ADGRD2: variants seen among roughly 807,000 people sequenced by gnomAD.
ADGRD2 encodes the protein adhesion G protein-coupled receptor D2, also known as G protein-coupled receptor PGR24.
A neutral mutation model predicts 44.4 loss-of-function variants in ADGRD2; 71 were observed. That is an observed-to-expected ratio of 1.60 (90% CI 1.32 to 1.95). The LOEUF (loss-of-function observed/expected upper bound fraction) is 1.95, where lower values mean the gene tolerates loss of function less well. Among genes scored for constraint, ADGRD2 ranks in the 30% most tolerant of loss-of-function variants. ADGRD2 has a pLI of 0.00. For synonymous variants in ADGRD2, 481 were observed against 224.8 expected (o/e 2.14, Z -10.19); for missense variants, 1,039 against 512.4 (o/e 2.03, Z -9.92).
intron 10 of ADGRD2, among the ~76,000 whole-genome samples, chr9:124,460,441 C>G (rs1359265128): frequency 6.6e-6 from 1 of 150,894 alleles, no homozygotes; most frequent in Non-Finnish European, 1.5e-5. Context: ...TGGTCTTGAA[C>G]TCCCTACCTC....
exon 3 of ADGRD2, chr9:124,453,065 A>C (rs7861556): frequency 3.0e-6 from 2 of 674,500 alleles, no homozygotes; most frequent in South Asian, 1.6e-5. Flanking sequence ...CTGGTGTTCG[A>C]CGAGAGGACG....
intron 16 of ADGRD2, among the ~76,000 whole-genome samples, 156 bp downstream of exon 19, chr9:124,469,703 C>T (rs115374078): frequency 3.9e-5 from 6 of 152,278 alleles, no homozygotes; most frequent in Admixed American, 1.3e-4. Flanking sequence ...TGGGTACACA[C>T]GTGTCCCTGC....
chr9:124,462,823 T>C (rs767168876), intron 10 of ADGRD2, among the ~76,000 whole-genome samples: 3 of 152,212 alleles, frequency 2.0e-5, no homozygotes, highest in Non-Finnish European at 2.9e-5. Context: ...ACACACTTGC[T>C]CATGTTGTCT....
In ADGRD2 at chr9:124,455,123, G is replaced by T. The variant is rs527753414; in HGVS notation, c.1391G>T (p.Arg464Leu). ...GTGGCTGACACATGGCTCTCCCTCCGTGAAGTGAGGCTGGCAGGGCTGGGT... is the reference window on the plus strand; with the variant it reads ...GTGGCTGACACATGGCTCTCCCTCCTTGAAGTGAGGCTGGCAGGGCTGGGT... Residue 464 changes from arginine (R) to leucine (L), a missense_variant, in exon 6 of 22, where the codon CGT (arginine) becomes CTT (leucine). Arg to Leu is a moderately radical substitution (Grantham distance 102). Coordinates refer to ENST00000334810, the Ensembl canonical transcript of ADGRD2. 1.4e-3 allele frequency: 1,002 copies of T among 700,416 alleles called. 22 individuals carry two copies. In the South Asian group the frequency reaches 0.015, roughly 10 times the overall value. The allele number at this position is 700,416 out of a possible 1,614,324, so 43.4% of individuals were successfully genotyped here.
exon 18 of ADGRD2, chr9:124,475,463 G>T: frequency 1.4e-6 from 1 of 714,160 alleles, no homozygotes; most frequent in Non-Finnish European, 2.6e-6. Context: ...ACATCTTCCT[G>T]GTTTATGCTG....
At chr9:124,463,151 A>G (rs1178850798) in intron 10 of ADGRD2, among the ~76,000 whole-genome samples, 1 of 152,190 alleles carries the variant, frequency 6.6e-6, no homozygotes, top group African/African-American at 2.4e-5. Context: ...ATGTCCATCA[A>G]ATCAAGTTCC....
At position 124,469,536 on chromosome 9, in the gene ADGRD2, G is replaced by A. The variant is rs1368679543; in HGVS notation, c.2628G>A (p.Trp876Ter). The change falls in exon 16 of 22, where the codon TGG (tryptophan) becomes TGA (stop). Residue 876 changes from tryptophan (W) to a stop codon, truncating the protein, a stop_gained. Coordinates refer to ENST00000334810, the Ensembl canonical transcript of ADGRD2. LOFTEE classifies it high-confidence loss of function. ...AGCCCTGCCTGCAGCAGCAGATCTG[G>A]ACCCAGATATGGTGAGGCCCCAGAA... 4.2e-6 allele frequency: 3 copies of A among 717,914 alleles called. No homozygotes were observed. In the East Asian group the frequency reaches 8.0e-5, roughly 19 times the overall value. 44.5% of individuals were successfully genotyped at this position (717,914 alleles called of 1,614,324 possible).
At chr9:124,466,317 A>G (rs4838184) in exon 11 of ADGRD2, 501,413 of 715,698 alleles carry the variant, frequency 0.7, 177,388 homozygotes, top group East Asian at 0.87. Context: ...GGGCCACCAC[A>G]GGCTGCTCCG....
At position 124,454,341 on chromosome 9, in the gene ADGRD2, C is replaced by T. The variant is rs1831571428; in HGVS notation, c.1023-143C>T. On this transcript the variant is annotated intron_variant, in intron 4 of 21. Transcript: ENST00000334810. This position sits in a 1 kb window ranked among gnomAD's most constrained non-coding sequence, Gnocchi z 4.5. Reference sequence around the variant, plus strand: ...GCCTCAGTTTCCCCATCTAGAACACCGTGTGTAAGACTCTGGACACACAGC... The same window carrying T: ...GCCTCAGTTTCCCCATCTAGAACACTGTGTGTAAGACTCTGGACACACAGC... 3.3e-6 allele frequency: 2 copies of T among 601,304 alleles called. No homozygotes were observed. The highest frequency in any genetic ancestry group is 3.9e-5 in the South Asian group (2 of 50,784). 37.2% of individuals were successfully genotyped at this position (601,304 alleles called of 1,614,324 possible).
chr9:124,472,463 G>T (rs200489756), intron 17 of ADGRD2, among the ~76,000 whole-genome samples: 1 of 128,196 alleles, frequency 7.8e-6, no homozygotes, highest in Admixed American at 8.3e-5. Context: ...TTTGTTTTTT[G>T]TTTGTTTTTT....
At chr9:124,463,463 T>G (rs967203071) in intron 10 of ADGRD2, among the ~76,000 whole-genome samples, 2 of 152,222 alleles carry the variant, frequency 1.3e-5, no homozygotes, top group Admixed American at 6.5e-5. Flanking sequence ...CTTCCTCTGG[T>G]TTGGGTGTCA....
rs7855368 is a variant in ADGRD2, at chr9:124,456,261, C to T, written c.1394-361C>T. ...CCTCTCCTCCCTCCCCTGCTCTCAC[C>T]ACCCCCATCCATGGCTTTCCTTTTG... is the stretch of plus-strand genomic sequence containing the variant. On this transcript the variant is annotated intron_variant, in intron 6 of 21. Transcript: ENST00000334810. Among the ~76,000 whole-genome samples the T allele has an allele frequency of 3.3e-5, 5 of 152,338 alleles. No homozygotes were observed. In the East Asian group the frequency reaches 7.7e-4, roughly 23 times the overall value.
At chr9:124,475,816 C>T (rs186070180) in intron 19 of ADGRD2, among the ~76,000 whole-genome samples, 28 of 152,296 alleles carry the variant, frequency 1.8e-4, no homozygotes, top group African/African-American at 4.3e-4. Context: ...CAGAGGTACT[C>T]GCAGCACCCA....
upstream of ADGRD2, chr9:124,451,631 C>T (rs894666081): frequency 1.8e-5 from 5 of 271,890 alleles, no homozygotes; most frequent in Admixed American, 1.0e-4. Context: ...CTGCCTGTGA[C>T]CCCTGCTGTC....
intron 10 of ADGRD2, among the ~76,000 whole-genome samples, chr9:124,463,666 G>T (rs1049979239): frequency 4.6e-5 from 7 of 152,216 alleles, no homozygotes; most frequent in African/African-American, 1.7e-4. Context: ...AGATGGTTTG[G>T]TAATTTGCGC....
chr9:124,464,822 A>G (rs10760363), intron 10 of ADGRD2, among the ~76,000 whole-genome samples: 104,011 of 151,608 alleles, frequency 0.69, 36,276 homozygotes, highest in African/African-American at 0.81. Context: ...GTGTGTGTGT[A>G]TGTGTTTTCA....
intron 1 of ADGRD2, 134 bp downstream of exon 4, chr9:124,452,288 C>T (rs1367437474): frequency 3.2e-6 from 2 of 634,518 alleles, no homozygotes; most frequent in Admixed American, 2.5e-5. Flanking sequence ...CATACCAGGC[C>T]CTGCGAGGAA....
rs1032044906 is a variant in ADGRD2, at chr9:124,473,918, C to T, written c.2759-1528C>T. 3.5e-5 allele frequency among the ~76,000 whole-genome samples: 5 copies of T among 141,696 alleles called. 1 individual carries two copies. The Admixed American group carries it at 3.6e-4, about 10-fold the overall frequency. 93.0% of individuals were successfully genotyped at this position (141,696 alleles called of 152,430 possible). ...GGGGAGACATGAGGGGTAAGGCTGG[C>T]GAGAAATGGGGCAGGAGGGAGTGTG... On this transcript the variant is annotated intron_variant, in intron 17 of 21. Coordinates refer to ENST00000334810, the Ensembl canonical transcript of ADGRD2.
rs751012196 is a variant in ADGRD2 at position 124,468,509 on chromosome 9, C to T, written c.2234-10C>T. ...CTCGGACCTGGGTGGGGATCCTGACCCTCCCACAGGTGGCATGTGTGGCTG... is the reference window on the plus strand; with the variant it reads ...CTCGGACCTGGGTGGGGATCCTGACTCTCCCACAGGTGGCATGTGTGGCTG... On this transcript the variant is annotated splice_polypyrimidine_tract_variant and intron_variant, in intron 13 of 21. Transcript: ENST00000334810. 7.9e-5 allele frequency: 57 copies of T among 718,292 alleles called. 1 individual carries two copies. Among genetic ancestry groups the T allele is most frequent in the Admixed American group, 6.0e-4 (30 of 49,998 alleles). 44.5% of individuals were successfully genotyped at this position (718,292 alleles called of 1,614,324 possible). A position where few individuals can be genotyped will look rare whatever the true frequency, so the allele number is the denominator to read the frequency against.
Sources: allele counts gnomAD v4.1 joint callset (sites outside exome capture counted in the v4.1 genomes callset), GRCh38; gene constraint gnomAD v4.1.1; non-coding constraint Gnocchi (gnomAD v3.1); transcripts MANE v1.5; gene names NCBI Gene and HGNC (gene_info 2026-07-23, HGNC 2026-07-21).